Variants in TMEM132D observed in about 807,000 individuals in gnomAD.
TMEM132D encodes mature OL transmembrane protein.
In TMEM132D, 21 loss-of-function variants were observed where a neutral mutation model predicts 62.3. The observed-to-expected ratio is 0.34, with a 90% CI of 0.24 to 0.49. TMEM132D has a LOEUF of 0.49. Among genes scored for constraint, TMEM132D ranks in the 20% least tolerant of loss-of-function variants. The pLI is 0.99. For synonymous variants in TMEM132D, 621 were observed against 575.6 expected (o/e 1.08, Z -1.13); for missense variants, 1,346 against 1,402.8 (o/e 0.96, Z 0.65).
At chr12:129,493,377 C>T (rs139931489) in intron 3 of TMEM132D, among the ~76,000 whole-genome samples, 13 of 152,262 alleles carry the variant, frequency 8.5e-5, no homozygotes, top group African/African-American at 2.6e-4. Flanking sequence ...AAGTGATTTA[C>T]GTGGTTAGTA....
At chr12:129,729,945 C>T (rs1869173152) in intron 1 of TMEM132D, among the ~76,000 whole-genome samples, 1 of 152,080 alleles carries the variant, frequency 6.6e-6, no homozygotes, top group African/African-American at 2.4e-5. Context: ...TGTGAATGTA[C>T]TTTGTAACGT....
intron 4 of TMEM132D, among the ~76,000 whole-genome samples, chr12:129,305,943 G>C (rs1333876410): frequency 6.6e-6 from 1 of 152,174 alleles, no homozygotes; most frequent in African/African-American, 2.4e-5. Context: ...AATAACACTT[G>C]TTATAATTTC....
At chr12:129,674,741 A>G (rs906119887) in intron 2 of TMEM132D, among the ~76,000 whole-genome samples, 3 of 151,842 alleles carry the variant, frequency 2.0e-5, no homozygotes, top group South Asian at 2.1e-4. Flanking sequence ...GGGTTTCACT[A>G]TGTTGGCCAG....
intron 3 of TMEM132D, among the ~76,000 whole-genome samples, chr12:129,395,425 T>C (rs991295024): frequency 3.3e-5 from 5 of 152,158 alleles, no homozygotes; most frequent in African/African-American, 1.2e-4. Context: ...ATCTGAATTA[T>C]TTCTTATGGG....
chr12:129,148,442 G>A (rs1876975581), intron 5 of TMEM132D, among the ~76,000 whole-genome samples: 1 of 152,160 alleles, frequency 6.6e-6, no homozygotes, highest in South Asian at 2.1e-4. Flanking sequence ...CAGGAGGTCA[G>A]AGAAAACGGA....
At chr12:129,420,447 G>T (rs184141365) in intron 3 of TMEM132D, among the ~76,000 whole-genome samples, 1 of 151,202 alleles carries the variant, frequency 6.6e-6, no homozygotes, top group African/African-American at 2.4e-5. Flanking sequence ...CTCAAATACC[G>T]TGAAGCACAG....
At chr12:129,090,891 G>T (rs2135627509) in intron 5 of TMEM132D, among the ~76,000 whole-genome samples, 1 of 152,196 alleles carries the variant, frequency 6.6e-6, no homozygotes, top group South Asian at 2.1e-4. Context: ...TTTGGCCCCA[G>T]AGTTGACCAG....
chr12:129,689,377 T>G lies in TMEM132D; in HGVS notation c.968+10433A>C, dbSNP rs536395420. On this transcript the variant is annotated intron_variant, in intron 2 of 8. Transcript: ENST00000422113. Reference sequence around the variant, plus strand: ...CAAAAATCTAGACATGGTTTAACTCTAAATATTATACAAGTTCTCAGAAGA... The same window carrying G: ...CAAAAATCTAGACATGGTTTAACTCGAAATATTATACAAGTTCTCAGAAGA... 8.5e-4 allele frequency among the ~76,000 whole-genome samples: 129 copies of G among 152,328 alleles called. 1 individual carries two copies. The highest frequency in any genetic ancestry group is 1.5e-3 in the Non-Finnish European group (103 of 68,034).
At chr12:129,315,104 A>T (rs1013556646) in intron 4 of TMEM132D, among the ~76,000 whole-genome samples, 2 of 152,106 alleles carry the variant, frequency 1.3e-5, no homozygotes, top group Non-Finnish European at 1.5e-5. Context: ...TGACAATTTG[A>T]CTTCCTTTTT....
chr12:129,306,149 A>G (rs1026605096), intron 4 of TMEM132D, among the ~76,000 whole-genome samples: 2 of 152,212 alleles, frequency 1.3e-5, no homozygotes, highest in Admixed American at 1.3e-4. Context: ...TTATAACCAC[A>G]CTATAAACAA....
At chr12:129,213,113 C>T (rs1377920676) in intron 4 of TMEM132D, among the ~76,000 whole-genome samples, 2 of 151,780 alleles carry the variant, frequency 1.3e-5, no homozygotes, top group African/African-American at 4.8e-5. Flanking sequence ...CAGTGGGCAC[C>T]TGGGGCTGAT....
At chr12:129,424,472 G>A (rs371488499) in intron 3 of TMEM132D, among the ~76,000 whole-genome samples, 3 of 151,888 alleles carry the variant, frequency 2.0e-5, no homozygotes, top group Non-Finnish European at 2.9e-5. Context: ...AGGCCGAGAC[G>A]GGCAGATCAT....
chr12:129,495,674 G>A (rs187355556), intron 3 of TMEM132D, among the ~76,000 whole-genome samples: 1 of 152,302 alleles, frequency 6.6e-6, no homozygotes, highest in African/African-American at 2.4e-5. Context: ...GGAGAGAACA[G>A]ATTGTGAGCA....
At chr12:129,667,213 C>T (rs656596) in intron 2 of TMEM132D, among the ~76,000 whole-genome samples, 115,934 of 152,110 alleles carry the variant, frequency 0.76, 44,563 homozygotes, top group East Asian at 0.85. Flanking sequence ...TCTTACCTTA[C>T]GGTCAAACTA....
At chr12:129,504,393 A>AT (rs956515135) in intron 3 of TMEM132D, among the ~76,000 whole-genome samples, 1 of 152,046 alleles carries the variant, frequency 6.6e-6, no homozygotes, top group Non-Finnish European at 1.5e-5. Context: ...TTTCTTGGTA[A>AT]TTTTTTTATT....
chr12:129,740,797 T>C (rs979166255), intron 1 of TMEM132D, among the ~76,000 whole-genome samples: 1 of 152,182 alleles, frequency 6.6e-6, no homozygotes, highest in African/African-American at 2.4e-5. Context: ...GGTAATTCTA[T>C]GATAAGATGA....
chr12:129,762,699 G>A (rs1191653690), intron 1 of TMEM132D, among the ~76,000 whole-genome samples: 1 of 152,126 alleles, frequency 6.6e-6, no homozygotes, highest in Non-Finnish European at 1.5e-5. Flanking sequence ...ACTGGAGCCA[G>A]GCAGTCTGTT....
At chr12:129,896,145 GTTT>G in intron 1 of TMEM132D, among the ~76,000 whole-genome samples, 1 of 78,088 alleles carries the variant, frequency 1.3e-5, no homozygotes, top group East Asian at 3.8e-4. Flanking sequence ...CATTTTTTTT[GTTT>G]TGTTTTGTTT....
At chr12:129,880,813 C>T (rs1593197409) in intron 1 of TMEM132D, among the ~76,000 whole-genome samples, 1 of 150,454 alleles carries the variant, frequency 6.6e-6, no homozygotes, top group African/African-American at 2.5e-5. Context: ...TGCCAGAAGG[C>T]CACAAAGAAC....
Sources: allele counts gnomAD v4.1 joint callset (sites outside exome capture counted in the v4.1 genomes callset), GRCh38; gene constraint gnomAD v4.1.1; transcripts MANE v1.5; gene names NCBI Gene and HGNC (gene_info 2026-07-23, HGNC 2026-07-21).